KIAA0825: variants seen among roughly 807,000 people sequenced by gnomAD.
KIAA0825 encodes uncharacterized protein KIAA0825.
A neutral mutation model predicts 147.6 loss-of-function variants in KIAA0825; 119 were observed. The ratio of observed to expected loss-of-function variants is 0.81; its 90% CI spans 0.69 to 0.94. The LOEUF is 0.94. Ranked by LOEUF, KIAA0825 falls within the 40% of genes least tolerant of loss-of-function variation. The pLI is 0.00. For synonymous variants in KIAA0825, 470 were observed against 518.1 expected (o/e 0.91, Z 1.26); for missense variants, 1,381 against 1,472.7 (o/e 0.94, Z 1.02).
intron 13 of KIAA0825, among the ~76,000 whole-genome samples, chr5:94,446,138 T>C (rs376774830): frequency 3.6e-4 from 55 of 152,360 alleles, no homozygotes; most frequent in African/African-American, 1.3e-3. Context: ...CCATTTAATA[T>C]AGCACTTATG....
At chr5:94,391,844 G>T in intron 17 of KIAA0825, 150 bp from the exon 18 acceptor site, 2 of 633,120 alleles carry the variant, frequency 3.2e-6, no homozygotes, top group East Asian at 3.0e-5. Flanking sequence ...TTCCCAAACC[G>T]CTGCCACTCA....
intron 14 of KIAA0825, among the ~76,000 whole-genome samples, chr5:94,417,786 G>A (rs1753663191): frequency 6.6e-6 from 1 of 151,790 alleles, no homozygotes; most frequent in African/African-American, 2.4e-5. Context: ...TTGTACCATG[G>A]GAAAATTCAC....
intron 13 of KIAA0825, among the ~76,000 whole-genome samples, chr5:94,450,882 G>C (rs1462529597): frequency 1.3e-5 from 2 of 152,156 alleles, no homozygotes; most frequent in Non-Finnish European, 2.9e-5. Context: ...ATCCTGAACT[G>C]CTCTTCCCTT....
intron 20 of KIAA0825, among the ~76,000 whole-genome samples, chr5:94,200,261 C>T (rs968909134): frequency 6.6e-6 from 1 of 152,166 alleles, no homozygotes; most frequent in Admixed American, 6.5e-5. Flanking sequence ...GTGGGCTGCT[C>T]CACACCAATT....
intron 5 of KIAA0825, among the ~76,000 whole-genome samples, chr5:94,501,842 CA>C (rs1260896381): frequency 4.6e-5 from 7 of 151,800 alleles, no homozygotes; most frequent in Non-Finnish European, 8.8e-5. Context: ...CAAAGATACA[CA>C]AGTATACAAA....
At chr5:94,563,372 AG>A (rs1245904870) in intron 2 of KIAA0825, among the ~76,000 whole-genome samples, 5 of 147,030 alleles carry the variant, frequency 3.4e-5, no homozygotes, top group African/African-American at 1.0e-4. Flanking sequence ...AAAAAAAAAA[AG>A]ATGTTTTGGA....
intron 2 of KIAA0825, among the ~76,000 whole-genome samples, chr5:94,565,009 CCTCTCTCT>C (rs147820367): frequency 0.014 from 1,651 of 116,726 alleles, 46 homozygotes; most frequent in African/African-American, 0.044. Flanking sequence ...TCTCTCTCTC[CCTCTCTCT>C]CTCTCTCTCT....
At chr5:94,249,041 A>AT (rs943723979) in intron 20 of KIAA0825, among the ~76,000 whole-genome samples, 18 of 151,610 alleles carry the variant, frequency 1.2e-4, no homozygotes, top group East Asian at 7.7e-4. Context: ...AATATCTTAT[A>AT]TTTTTTTTTC....
chr5:94,196,459 T>TA (rs1335163311), intron 20 of KIAA0825, among the ~76,000 whole-genome samples: 5 of 144,392 alleles, frequency 3.5e-5, no homozygotes, highest in Non-Finnish European at 1.5e-5. Context: ...ACGAAACTTC[T>TA]TTTTTTTTTT....
chr5:94,461,164 AT>A (rs1458429779), intron 12 of KIAA0825, among the ~76,000 whole-genome samples: 1 of 151,998 alleles, frequency 6.6e-6, no homozygotes, highest in Non-Finnish European at 1.5e-5. Flanking sequence ...AAAATATGCA[AT>A]CTTTGATAAT....
At chr5:94,604,357 G>T (rs1787080872) in intron 1 of KIAA0825, among the ~76,000 whole-genome samples, 1 of 152,144 alleles carries the variant, frequency 6.6e-6, no homozygotes, top group African/African-American at 2.4e-5. Context: ...TTGAGAGTTT[G>T]AGACCAGCCT....
chr5:94,562,508 TTAA>T (rs1386536597), intron 2 of KIAA0825, among the ~76,000 whole-genome samples: 3 of 152,234 alleles, frequency 2.0e-5, no homozygotes, highest in Non-Finnish European at 4.4e-5. Flanking sequence ...TCATCTGATT[TTAA>T]TAATCCCTGT....
At chr5:94,443,422 G>C (rs76876998) in intron 13 of KIAA0825, among the ~76,000 whole-genome samples, 42 of 151,388 alleles carry the variant, frequency 2.8e-4, no homozygotes, top group African/African-American at 1.0e-3. Flanking sequence ...GAATTCCACC[G>C]TAATACAAAG....
chr5:94,341,363 C>T (rs1202821422), intron 20 of KIAA0825, among the ~76,000 whole-genome samples: 1 of 152,200 alleles, frequency 6.6e-6, no homozygotes, highest in East Asian at 1.9e-4. Context: ...TGGGATGGCA[C>T]ATCTATTCAA....
chr5:94,610,174 C>T (rs1316575342), intron 1 of KIAA0825, among the ~76,000 whole-genome samples: 3 of 151,896 alleles, frequency 2.0e-5, no homozygotes, highest in African/African-American at 7.3e-5. Flanking sequence ...AATACCAGCA[C>T]TTTGGGAGGC....
intron 3 of KIAA0825, 71 bp downstream of exon 3, chr5:94,536,925 A>T (rs1772146555): frequency 9.0e-7 from 1 of 1,105,940 alleles, no homozygotes; most frequent in East Asian, 2.4e-5. Context: ...AGCAGGATAC[A>T]AATAGACCAG....
chr5:94,458,961 A>G (rs985549450), intron 12 of KIAA0825, among the ~76,000 whole-genome samples: 4 of 152,136 alleles, frequency 2.6e-5, no homozygotes, highest in Non-Finnish European at 5.9e-5. Context: ...CCCTGTATTC[A>G]TTAGCTGTCA....
At chr5:94,158,616 A>G (rs1253492282) in intron 20 of KIAA0825, among the ~76,000 whole-genome samples, 10 of 152,224 alleles carry the variant, frequency 6.6e-5, no homozygotes, top group Non-Finnish European at 1.3e-4. Flanking sequence ...AAATAGGAAG[A>G]ATCCCTAGCT....
intron 13 of KIAA0825, among the ~76,000 whole-genome samples, chr5:94,444,718 T>C (rs1268545565): frequency 6.6e-6 from 1 of 152,068 alleles, no homozygotes; most frequent in East Asian, 1.9e-4. Flanking sequence ...CTAAGTCCAC[T>C]GTCATTAAGC....
Sources: allele counts gnomAD v4.1 joint callset (sites outside exome capture counted in the v4.1 genomes callset), GRCh38; gene constraint gnomAD v4.1.1; transcripts MANE v1.5; gene names NCBI Gene and HGNC (gene_info 2026-07-23, HGNC 2026-07-21).